WWOX: variants seen among roughly 807,000 people sequenced by gnomAD.
The protein encoded by WWOX is WW domain-containing oxidoreductase.
WWOX carries 69 observed loss-of-function variants against 46.2 expected under a neutral mutation model. The observed-to-expected ratio is 1.49, with a 90% CI of 1.23 to 1.82. The LOEUF (loss-of-function observed/expected upper bound fraction) is 1.82. Ranked by LOEUF, WWOX falls within the 40% of genes most tolerant of loss-of-function variation. The probability of loss-of-function intolerance (pLI) is 0.00; values close to 1 mark genes in which losing one functional copy is unlikely to be tolerated. For missense variants in WWOX, 919 were observed against 542.6 expected (o/e 1.69, Z -6.89); for synonymous variants, 359 against 202.6 (o/e 1.77, Z -6.56).
chr16:78,508,027 T>TGA (rs2085259450), intron 8 of WWOX, among the ~76,000 whole-genome samples: 1 of 150,878 alleles, frequency 6.6e-6, no homozygotes. Flanking sequence ...TGTGTGTGTG[T>TGA]GACGGAGTCT....
At chr16:79,191,706 C>G (rs557277627) in intron 8 of WWOX, among the ~76,000 whole-genome samples, 47 of 152,286 alleles carry the variant, frequency 3.1e-4, no homozygotes, top group African/African-American at 1.1e-3. Context: ...TAAATACCAC[C>G]TACCCCAACC....
chr16:78,370,296 C>A (rs574171273), intron 5 of WWOX, among the ~76,000 whole-genome samples: 4 of 152,178 alleles, frequency 2.6e-5, no homozygotes, highest in African/African-American at 9.6e-5. Context: ...TTACCACTTA[C>A]CTCAGAGAGT....
intron 8 of WWOX, among the ~76,000 whole-genome samples, chr16:78,610,095 G>T (rs2045864311): frequency 6.6e-6 from 1 of 152,122 alleles, no homozygotes; most frequent in Non-Finnish European, 1.5e-5. Flanking sequence ...TTCTTTGCTG[G>T]TCTGTGGCAA....
At chr16:78,922,327 C>T (rs1445714180) in intron 8 of WWOX, among the ~76,000 whole-genome samples, 48 of 151,926 alleles carry the variant, frequency 3.2e-4, no homozygotes, top group Admixed American at 3.1e-3. Context: ...CAGAGGTGCC[C>T]AAGCAAACAA....
rs72067397 is a variant in WWOX at position 78,702,100 on chromosome 16, T to TTATATATATATATATA, written c.1056+269356_1056+269371dup. Reference sequence around the variant, plus strand: ...AAGTTTTATATTTATATCTATAAAGTTATATATATATATATATATATATTT... The same window carrying TTATATATATATATATA: ...AAGTTTTATATTTATATCTATAAAGTTATATATATATATATATATATATATATATATATATATATTT... On this transcript the variant is annotated intron_variant, in intron 8 of 8. Coordinates refer to ENST00000566780, the MANE Select transcript of WWOX (RefSeq NM_016373.4). Among the ~76,000 whole-genome samples the TTATATATATATATATA allele has an allele frequency of 1.2e-3, 97 of 81,220 alleles. 1 individual carries two copies. Among genetic ancestry groups the TTATATATATATATATA allele is most frequent in the African/African-American group, 6.2e-3 (91 of 14,608 alleles). The allele number at this position is 81,220 out of a possible 152,430, so 53.3% of individuals were successfully genotyped here.
chr16:78,991,060 C>G (rs970813000), intron 8 of WWOX, among the ~76,000 whole-genome samples: 2 of 152,124 alleles, frequency 1.3e-5, no homozygotes, highest in Non-Finnish European at 2.9e-5. Context: ...ACTCTGGGGA[C>G]AAGTCAAAGC....
intron 5 of WWOX, among the ~76,000 whole-genome samples, chr16:78,320,677 C>G (rs1022027338): frequency 6.6e-6 from 1 of 152,142 alleles, no homozygotes; most frequent in South Asian, 2.1e-4. Context: ...AATGAAATAT[C>G]CAGATGTTTT....
chr16:79,139,403 T>C (rs1360565130), intron 8 of WWOX, among the ~76,000 whole-genome samples: 1 of 152,210 alleles, frequency 6.6e-6, no homozygotes, highest in African/African-American at 2.4e-5. Flanking sequence ...TGAATTACTG[T>C]AACACACTTT....
At chr16:79,169,614 A>G (rs2050661449) in intron 8 of WWOX, among the ~76,000 whole-genome samples, 1 of 152,320 alleles carries the variant, frequency 6.6e-6, no homozygotes, top group Middle Eastern at 3.4e-3. Context: ...CTTCACACAA[A>G]TAGCTAAAGA....
intron 8 of WWOX, among the ~76,000 whole-genome samples, chr16:78,859,676 G>A (rs1000743228): frequency 6.6e-6 from 1 of 152,142 alleles, no homozygotes; most frequent in African/African-American, 2.4e-5. Context: ...AGCAGGGCGA[G>A]TAATGTACTC....
chr16:78,257,108 C>T (rs560449549), intron 5 of WWOX, among the ~76,000 whole-genome samples: 3 of 152,004 alleles, frequency 2.0e-5, no homozygotes, highest in Non-Finnish European at 2.9e-5. Context: ...AGGCTCGTGG[C>T]GTGGGGTCTT....
chr16:78,552,863 C>T (rs1454041065), intron 8 of WWOX: 3 of 152,146 alleles, frequency 2.0e-5, no homozygotes, highest in East Asian at 3.9e-4. Context: ...GAAATGACTG[C>T]TATTGCAAAG....
chr16:78,706,947 G>A (rs921785087), intron 8 of WWOX, among the ~76,000 whole-genome samples: 3 of 152,172 alleles, frequency 2.0e-5, no homozygotes, highest in African/African-American at 7.2e-5. Flanking sequence ...ACAGGCATCA[G>A]CCGTCATGCC....
intron 8 of WWOX, among the ~76,000 whole-genome samples, chr16:78,827,911 T>C (rs931917345): frequency 6.6e-6 from 1 of 152,204 alleles, no homozygotes; most frequent in African/African-American, 2.4e-5. Context: ...AACCAGGCAC[T>C]GCACCTCCTC....
At chr16:78,475,010 G>A (rs529401595) in intron 8 of WWOX, among the ~76,000 whole-genome samples, 1 of 152,030 alleles carries the variant, frequency 6.6e-6, no homozygotes, top group South Asian at 2.1e-4. Flanking sequence ...CATCTTTGTA[G>A]CCACCAAGAG....
At chr16:78,496,734 A>T (rs2084928035) in intron 8 of WWOX, among the ~76,000 whole-genome samples, 1 of 152,232 alleles carries the variant, frequency 6.6e-6, no homozygotes, top group South Asian at 2.1e-4. Flanking sequence ...CAAACAAATT[A>T]TTAGCTTTCT....
intron 8 of WWOX, among the ~76,000 whole-genome samples, chr16:78,962,622 G>A (rs2046292398): frequency 6.6e-6 from 1 of 152,176 alleles, no homozygotes; most frequent in South Asian, 2.1e-4. Context: ...TTCAGAAAAT[G>A]TGAGCTGCTT....
At chr16:79,028,907 A>AT (rs397699235) in intron 8 of WWOX, among the ~76,000 whole-genome samples, 4 of 151,262 alleles carry the variant, frequency 2.6e-5, no homozygotes, top group African/African-American at 9.8e-5. Context: ...AGAAAAAAAA[A>AT]TGTTCATAAA....
At chr16:79,126,406 T>TG (rs924369780) in intron 8 of WWOX, among the ~76,000 whole-genome samples, 3 of 152,116 alleles carry the variant, frequency 2.0e-5, no homozygotes, top group Non-Finnish European at 4.4e-5. Context: ...AATTTGATCA[T>TG]GGGGGTGGTT....
Sources: allele counts gnomAD v4.1 joint callset (sites outside exome capture counted in the v4.1 genomes callset), GRCh38; gene constraint gnomAD v4.1.1; transcripts MANE v1.5; gene names NCBI Gene and HGNC (gene_info 2026-07-23, HGNC 2026-07-21).